LIN7C: variants seen among roughly 807,000 people sequenced by gnomAD.
LIN7C encodes the protein protein lin-7 homolog C.
Under a neutral mutation model 24.7 loss-of-function variants are expected in LIN7C, and 17 were observed. That is an observed-to-expected ratio of 0.69 (90% CI 0.47 to 1.03). The LOEUF is 1.03. Ranked by LOEUF, LIN7C falls within the 50% of genes least tolerant of loss-of-function variation. The pLI, the probability that LIN7C is intolerant of heterozygous loss-of-function variation, is 0.00. For synonymous variants in LIN7C, 90 were observed against 83.4 expected (o/e 1.08, Z -0.43); for missense variants, 204 against 239.0 (o/e 0.85, Z 0.97).
chr11:27,500,584 A>G (rs1386336781), intron 3 of LIN7C, among the ~76,000 whole-genome samples: 2 of 152,198 alleles, frequency 1.3e-5, no homozygotes, highest in Admixed American at 1.3e-4. Context: ...GTAATTATCT[A>G]GTACCATTTT....
intron 3 of LIN7C, among the ~76,000 whole-genome samples, chr11:27,500,258 C>T (rs1276046770): frequency 6.6e-6 from 1 of 152,114 alleles, no homozygotes; most frequent in Non-Finnish European, 1.5e-5. Flanking sequence ...CTGGATCTCC[C>T]AACTCCTTCA....
At chr11:27,506,127 T>C (rs1046468082) in intron 1 of LIN7C, among the ~76,000 whole-genome samples, 1 of 152,250 alleles carries the variant, frequency 6.6e-6, no homozygotes, top group African/African-American at 2.4e-5. Context: ...TCTACCACTA[T>C]TCGGCTTACT....
At chr11:27,506,495 TG>T (rs1030372943) in intron 1 of LIN7C, among the ~76,000 whole-genome samples, 5 of 152,186 alleles carry the variant, frequency 3.3e-5, no homozygotes, top group African/African-American at 9.6e-5. Flanking sequence ...TGCTGTGCCT[TG>T]GAACAGTCCG....
intron 1 of LIN7C, among the ~76,000 whole-genome samples, chr11:27,502,878 G>C (rs1465364056): frequency 6.6e-6 from 1 of 152,186 alleles, no homozygotes; most frequent in Non-Finnish European, 1.5e-5. Flanking sequence ...TTGGGAGGCC[G>C]AGGCGGGTGG....
chr11:27,502,485 C>T (rs1225314504), intron 1 of LIN7C, among the ~76,000 whole-genome samples: 1 of 151,384 alleles, frequency 6.6e-6, no homozygotes, highest in African/African-American at 2.4e-5. Flanking sequence ...CATAAAAATG[C>T]AAAAAACAAG....
chr11:27,506,620 C>T (rs540297871), intron 1 of LIN7C, 96 bp downstream of exon 1: 14 of 1,415,220 alleles, frequency 9.9e-6, no homozygotes, highest in Admixed American at 5.1e-5. Context: ...CAGCGTGGCC[C>T]GGATCTCAGA....
At chr11:27,499,625 T>C (rs1179282585) in intron 3 of LIN7C, 57 bp from the exon 4 acceptor site, 3 of 1,483,246 alleles carry the variant, frequency 2.0e-6, no homozygotes, top group Admixed American at 3.5e-5. Flanking sequence ...AGTTCTTTCA[T>C]CTTTTGTTTC....
chr11:27,496,644 T>C lies in LIN7C; in HGVS notation c.*2005A>G, dbSNP rs1225652258. The C allele has an allele frequency of 6.6e-6, 1 of 152,152 alleles. No homozygotes were observed. Among genetic ancestry groups the C allele is most frequent in the Non-Finnish European group, 1.5e-5 (1 of 68,008 alleles). 9.4% of individuals were successfully genotyped at this position (152,152 alleles called of 1,614,324 possible). ...GTGTCAACCCACACAAAGAACAGATTGTGGATTACCGTAGGGAAAAAAATA... is the reference window on the plus strand; with the variant it reads ...GTGTCAACCCACACAAAGAACAGATCGTGGATTACCGTAGGGAAAAAAATA... On this transcript the variant is annotated 3_prime_UTR_variant, in exon 5 of 5. Transcript: ENST00000278193.
chr11:27,504,423 AATC>A (rs1361035848), intron 1 of LIN7C, among the ~76,000 whole-genome samples: 5 of 152,202 alleles, frequency 3.3e-5, no homozygotes, highest in African/African-American at 9.7e-5. Context: ...AGGCACTCTA[AATC>A]ATCATATGTG....
At chr11:27,499,799 A>AT (rs35138390) in intron 3 of LIN7C, among the ~76,000 whole-genome samples, 6,733 of 150,336 alleles carry the variant, frequency 0.045, 319 homozygotes, top group East Asian at 0.23. Context: ...ATTTTTTTGT[A>AT]TTTTTTTTTA....
In LIN7C at chr11:27,498,016, T is replaced by C. The variant is rs1865187457; in HGVS notation, c.*633A>G. 6.6e-6 allele frequency: 1 copy of C among 152,144 alleles called. No individual in the cohort carries two copies. Among genetic ancestry groups the C allele is most frequent in the African/African-American group, 2.4e-5 (1 of 41,452 alleles). The allele number at this position is 152,144 out of a possible 1,614,324, so 9.4% of individuals were successfully genotyped here. On this transcript the variant is annotated 3_prime_UTR_variant, in exon 5 of 5. Coordinates refer to ENST00000278193, the MANE Select transcript of LIN7C (RefSeq NM_018362.4). The stretch of plus-strand genomic sequence containing the variant: ...TTAAAAACTTACTTTCATAAATCAG[T>C]ATAAATGAATATCCATTATATATTA...
rs1369368213 is a variant in LIN7C, at chr11:27,497,258, T to C, written c.*1391A>G. On this transcript the variant is annotated 3_prime_UTR_variant, in exon 5 of 5. Transcript: ENST00000278193. ...TTCTTCCTGAAGGAATGTTACAAAA[T>C]GCCCACTTTTTTATATAGGGTCAAT... is the stretch of plus-strand genomic sequence containing the variant. 6.6e-6 allele frequency: 1 copy of C among 152,594 alleles called. No individual in the cohort carries two copies. Among genetic ancestry groups the C allele is most frequent in the African/African-American group, 2.4e-5 (1 of 41,470 alleles). 9.5% of individuals were successfully genotyped at this position (152,594 alleles called of 1,614,324 possible).
chr11:27,498,901 G>T lies in LIN7C; in HGVS notation c.439-97C>A, dbSNP rs878880457. On this transcript the variant is annotated intron_variant, in intron 4 of 4. Coordinates refer to ENST00000278193, the MANE Select transcript of LIN7C (RefSeq NM_018362.4). ...TTTACAATATATATAATGAAGAAAA[G>T]TTTTAATGTTATATTATTCCAACAT... The T allele has an allele frequency of 2.9e-6, 3 of 1,018,186 alleles. No individual in the cohort carries two copies. The South Asian group carries it at 4.5e-5, about 15-fold the overall frequency. The allele number at this position is 1,018,186 out of a possible 1,614,324, so 63.1% of individuals were successfully genotyped here. A position where few individuals can be genotyped will look rare whatever the true frequency, so the allele number is the denominator to read the frequency against.
At position 27,499,517 on chromosome 11, in the gene LIN7C, C is replaced by G. The variant is rs764619140; in HGVS notation, c.280G>C (p.Val94Leu). Residue 94 changes from valine to leucine, a missense_variant, in exon 4 of 5, where the codon GTT becomes CTT. Physicochemically the swap from Val to Leu is conservative, Grantham distance 32. Transcript: ENST00000278193. ...CCCTCTTCTGTTTTTGGTAGCTCAA[C>G]AACTCGAGGATGAGAATGTCCTTCA... is the stretch of plus-strand genomic sequence containing the variant. ...ASEGHSHPRV[V>L]ELPKTEEGLG... 2 of 1,614,106 alleles carry G rather than the reference C, an allele frequency of 1.2e-6. No individual in the cohort carries two copies. Among genetic ancestry groups the G allele is most frequent in the African/African-American group, 1.3e-5 (1 of 74,942 alleles).
At chr11:27,500,037 G>A (rs1865208317) in intron 3 of LIN7C, among the ~76,000 whole-genome samples, 1 of 152,218 alleles carries the variant, frequency 6.6e-6, no homozygotes, top group South Asian at 2.1e-4. Context: ...GTATTTTAGA[G>A]ACGACAAATG....
intron 3 of LIN7C, among the ~76,000 whole-genome samples, chr11:27,499,824 T>C (rs1865205793): frequency 6.6e-6 from 1 of 152,154 alleles, no homozygotes. Context: ...AGATGGGGTT[T>C]CACCACATTA....
At position 27,499,458 on chromosome 11, in the gene LIN7C, T is replaced by C; in HGVS notation, c.339A>G (p.Gln113=). 1.9e-6 allele frequency: 3 copies of C among 1,614,250 alleles called. No individual in the cohort carries two copies. Among genetic ancestry groups the C allele is most frequent in the Non-Finnish European group, 2.5e-6 (3 of 1,180,048 alleles). ...LGFNIMGGKE[Q]NSPIYISRII... is the part of the protein sequence containing the mutation. ...TTCGGGATATATAGATTGGAGAGTT[T>C]TGTTCTTTGCCTCCCATAATATTGA... Residue 113 remains glutamine, a synonymous_variant, in exon 4 of 5, where the codon CAA becomes CAG. Coordinates refer to ENST00000278193, the MANE Select transcript of LIN7C (RefSeq NM_018362.4).
intron 1 of LIN7C, among the ~76,000 whole-genome samples, chr11:27,503,211 T>A (rs930535672): frequency 6.6e-6 from 1 of 152,200 alleles, no homozygotes; most frequent in Admixed American, 6.5e-5. Context: ...ATTAGGGAAT[T>A]CTCACTGAGA....
chr11:27,499,486 C>T lies in LIN7C; in HGVS notation c.311G>A (p.Gly104Glu). ...VELPKTEEGL[G>E]FNIMGGKEQN... ...TTCTTTGCCTCCCATAATATTGAAT[C>T]CAAGGCCCTCTTCTGTTTTTGGTAG... The change falls in exon 4 of 5, where the codon GGA (glycine) becomes GAA (glutamate). Residue 104 changes from glycine (G) to glutamate (E), a missense_variant. Gly to Glu is a moderately conservative substitution (Grantham distance 98). Coordinates refer to ENST00000278193, the MANE Select transcript of LIN7C (RefSeq NM_018362.4). 1 of 1,614,192 alleles carries T rather than the reference C, an allele frequency of 6.2e-7. No homozygotes were observed. Among genetic ancestry groups the T allele is most frequent in the Non-Finnish European group, 8.5e-7 (1 of 1,180,046 alleles).
Sources: allele counts gnomAD v4.1 joint callset (sites outside exome capture counted in the v4.1 genomes callset), GRCh38; gene constraint gnomAD v4.1.1; transcripts MANE v1.5; gene names NCBI Gene and HGNC (gene_info 2026-07-23, HGNC 2026-07-21).